Variants in MARCHF5 observed in about 807,000 individuals in gnomAD.
MARCHF5 encodes E3 ubiquitin-protein ligase MARCHF5.
Under a neutral mutation model 36.5 loss-of-function variants are expected in MARCHF5, and 5 were observed. That is an observed-to-expected ratio of 0.14 (90% CI 0.07 to 0.29). The LOEUF (loss-of-function observed/expected upper bound fraction) is 0.29, where lower values mean the gene tolerates loss of function less well. Ranked by LOEUF, MARCHF5 falls within the 10% of genes least tolerant of loss-of-function variation. MARCHF5 has a pLI of 1.00. For synonymous variants in MARCHF5, 103 were observed against 109.9 expected (o/e 0.94, Z 0.39); for missense variants, 179 against 336.3 (o/e 0.53, Z 3.66).
intron 3 of MARCHF5, among the ~76,000 whole-genome samples, chr10:92,347,755 G>A (rs1488833165): frequency 6.6e-6 from 1 of 152,092 alleles, no homozygotes; most frequent in Non-Finnish European, 1.5e-5. Context: ...TATCAAATTC[G>A]ATGACATTAT....
At chr10:92,344,998 T>A (rs2135218258) in intron 3 of MARCHF5, among the ~76,000 whole-genome samples, 1 of 152,290 alleles carries the variant, frequency 6.6e-6, no homozygotes, top group Non-Finnish European at 1.5e-5. Flanking sequence ...AGGACTCCTG[T>A]CCCTTGGCTC....
intron 3 of MARCHF5, among the ~76,000 whole-genome samples, chr10:92,341,746 TTC>T (rs1564953366): frequency 6.6e-6 from 1 of 151,966 alleles, no homozygotes. Context: ...GTTCCTTTGT[TTC>T]TGTTTCTATT....
intron 2 of MARCHF5, among the ~76,000 whole-genome samples, chr10:92,312,386 G>A (rs1843154783): frequency 6.6e-6 from 1 of 152,216 alleles, no homozygotes; most frequent in South Asian, 2.1e-4. Flanking sequence ...GGGAAGTAGT[G>A]TAGTAGAGAA....
intron 1 of MARCHF5, among the ~76,000 whole-genome samples, chr10:92,299,422 C>T (rs953661779): frequency 1.3e-5 from 2 of 152,110 alleles, no homozygotes; most frequent in African/African-American, 4.8e-5. Context: ...TTCATTGACC[C>T]CTGAACATAT....
chr10:92,296,360 A>G lies in MARCHF5; in HGVS notation c.35+4831A>G, dbSNP rs1303832071. ...CATTTCCCTGAAATGATAACCATTC[A>G]TAAGCCCAAACCCTTTATGTCAGGC... On this transcript the variant is annotated intron_variant, in intron 1 of 5. Transcript: ENST00000358935. 2.0e-5 allele frequency among the ~76,000 whole-genome samples: 3 copies of G among 152,298 alleles called. No individual in the cohort carries two copies. In the East Asian group the frequency reaches 5.8e-4, roughly 29 times the overall value.
rs372130854 is a variant in MARCHF5, at chr10:92,328,821, A to ATATAT, written c.239-11851_239-11850insATATT. 3.1e-4 allele frequency among the ~76,000 whole-genome samples: 38 copies of ATATAT among 122,420 alleles called. 1 individual carries two copies. Among genetic ancestry groups the ATATAT allele is most frequent in the African/African-American group, 1.0e-3 (32 of 31,718 alleles). The allele number at this position is 122,420 out of a possible 152,430, so 80.3% of individuals were successfully genotyped here. On this transcript the variant is annotated intron_variant, in intron 2 of 5. Transcript: ENST00000358935. ...GGTTATTATATATATATATATATAT[A>ATATAT]TTTTTTTTTTTTTTACAGGAATATC... is the stretch of plus-strand genomic sequence containing the variant.
chr10:92,291,477 GCGC>G lies in MARCHF5; in HGVS notation c.-15_-13del. On this transcript the variant is annotated 5_prime_UTR_variant, in exon 1 of 6. Coordinates refer to ENST00000358935, the MANE Select transcript of MARCHF5 (RefSeq NM_017824.5). Reference sequence around the variant, plus strand: ...GCGGGTCCACTGGGGAAGGCCGTGTGCGCCGGCTCCGCGGAAGATGCCGGACCA... The same window carrying G: ...GCGGGTCCACTGGGGAAGGCCGTGTGCGGCTCCGCGGAAGATGCCGGACCA... 6.5e-7 allele frequency: 1 copy of G among 1,546,866 alleles called. No homozygotes were observed. The highest frequency in any genetic ancestry group is 8.7e-7 in the Non-Finnish European group (1 of 1,144,024).
At chr10:92,327,878 A>AG (rs1281754311) in intron 2 of MARCHF5, among the ~76,000 whole-genome samples, 1 of 152,206 alleles carries the variant, frequency 6.6e-6, no homozygotes, top group Non-Finnish European at 1.5e-5. Flanking sequence ...GGAAAAAAAA[A>AG]GTAAGTTTAC....
At chr10:92,292,448 C>T (rs1490135696) in intron 1 of MARCHF5, among the ~76,000 whole-genome samples, 1 of 152,114 alleles carries the variant, frequency 6.6e-6, no homozygotes, top group Admixed American at 6.6e-5. Context: ...CAGGTGGTAC[C>T]AACTCTTTGT....
chr10:92,334,881 A>T (rs1334930209), intron 2 of MARCHF5, among the ~76,000 whole-genome samples: 1 of 152,174 alleles, frequency 6.6e-6, no homozygotes, highest in East Asian at 1.9e-4. Flanking sequence ...TGTTCTCTTT[A>T]CAAAAGCTTC....
intron 1 of MARCHF5, among the ~76,000 whole-genome samples, chr10:92,307,752 T>C (rs1590649056): frequency 6.6e-6 from 1 of 151,824 alleles, no homozygotes; most frequent in East Asian, 1.9e-4. Context: ...GCGGGCACCC[T>C]GTAATCCTAC....
chr10:92,338,977 G>A (rs746983010), intron 2 of MARCHF5, among the ~76,000 whole-genome samples: 6 of 151,818 alleles, frequency 4.0e-5, no homozygotes, highest in East Asian at 1.9e-4. Flanking sequence ...CCCAGGAGGC[G>A]GAGGTTGTAG....
At chr10:92,319,487 G>C (rs1843261340) in intron 2 of MARCHF5, among the ~76,000 whole-genome samples, 1 of 151,382 alleles carries the variant, frequency 6.6e-6, no homozygotes, top group Admixed American at 6.6e-5. Context: ...GTAGAGACGG[G>C]GTTTCACCGT....
intron 1 of MARCHF5, 127 bp downstream of exon 1, chr10:92,291,656 TGA>T: frequency 7.3e-7 from 1 of 1,367,864 alleles, no homozygotes; most frequent in Non-Finnish European, 9.5e-7. Flanking sequence ...CAGGGGGCCG[TGA>T]GAGGGGCAAA....
intron 2 of MARCHF5, among the ~76,000 whole-genome samples, chr10:92,322,770 G>A (rs1221051566): frequency 4.7e-5 from 7 of 150,150 alleles, no homozygotes; most frequent in South Asian, 2.1e-4. Flanking sequence ...ATGGAGTGTC[G>A]CCCTGTCGCC....
intron 1 of MARCHF5, among the ~76,000 whole-genome samples, chr10:92,298,447 A>ATT (rs1842973630): frequency 2.0e-5 from 3 of 152,152 alleles, no homozygotes; most frequent in Admixed American, 2.0e-4. Flanking sequence ...CCCAGTGGAC[A>ATT]TTTCCATTTG....
intron 2 of MARCHF5, among the ~76,000 whole-genome samples, chr10:92,320,834 A>G (rs937730564): frequency 3.3e-5 from 5 of 152,098 alleles, no homozygotes; most frequent in Admixed American, 3.3e-4. Context: ...TACAATGTGT[A>G]TAAAGTCTAT....
In MARCHF5 at chr10:92,291,947, C is replaced by A. The variant is rs79853919; in HGVS notation, c.35+418C>A. ...TAATTTTAAGTCTCTGTCTGAGAAC[C>A]AATGATAAGCATTCTTTTGGAAAGC... On this transcript the variant is annotated intron_variant, in intron 1 of 5. Coordinates refer to ENST00000358935, the MANE Select transcript of MARCHF5 (RefSeq NM_017824.5). Among the ~76,000 whole-genome samples the A allele has an allele frequency of 7.7e-3, 1,173 of 152,174 alleles. 9 individuals carry two copies. The highest frequency in any genetic ancestry group is 0.027 in the African/African-American group (1,125 of 41,522).
intron 2 of MARCHF5, among the ~76,000 whole-genome samples, chr10:92,332,514 C>CATT: frequency 8.4e-6 from 1 of 118,924 alleles, no homozygotes; most frequent in South Asian, 2.6e-4. Flanking sequence ...GATTCCCCAT[C>CATT]CTTTTTTTTT....
Sources: allele counts gnomAD v4.1 joint callset (sites outside exome capture counted in the v4.1 genomes callset), GRCh38; gene constraint gnomAD v4.1.1; transcripts MANE v1.5; gene names NCBI Gene and HGNC (gene_info 2026-07-23, HGNC 2026-07-21).